The following FHIT variants were observed in gnomAD, a reference collection of about 807,000 sequenced individuals.
FHIT encodes the protein bis(5'-adenosyl)-triphosphatase.
A neutral mutation model predicts 17.9 loss-of-function variants in FHIT; 19 were observed. The observed-to-expected ratio is 1.06, with a 90% CI of 0.74 to 1.56. FHIT has a LOEUF of 1.56. Among genes scored for constraint, FHIT ranks in the 40% most tolerant of loss-of-function variants. The pLI, the probability that FHIT is intolerant of heterozygous loss-of-function variation, is 0.00. For synonymous variants in FHIT, 81 were observed against 69.7 expected, an observed-to-expected ratio of 1.16 and a Z score of -0.81; for missense variants, 248 against 189.2, an observed-to-expected ratio of 1.31 and a Z score of -1.82.
intron 3 of FHIT, among the ~76,000 whole-genome samples, chr3:60,888,142 G>A (rs1399002547): frequency 1.3e-5 from 2 of 152,200 alleles, no homozygotes; most frequent in Admixed American, 1.3e-4. Flanking sequence ...AGGGAAGGTT[G>A]TAATCTGACT....
rs73836124 is a variant in FHIT, at chr3:60,786,690, A to G, written c.-18+35229T>C. Among the ~76,000 whole-genome samples, 235 of 152,318 alleles carry G rather than the reference A, an allele frequency of 1.5e-3. 2 individuals are homozygous for G. The highest frequency in any genetic ancestry group is 5.4e-3 in the African/African-American group (226 of 41,574). ...AAAAGTTTAGTGGTGTTTCAGACAA[A>G]TCTAAGAGAAGATAAGCATGAATAG... On this transcript the variant is annotated intron_variant, in intron 4 of 9. Transcript: ENST00000492590.
intron 8 of FHIT, among the ~76,000 whole-genome samples, chr3:59,837,153 G>C (rs565118074): frequency 6.6e-6 from 1 of 152,264 alleles, no homozygotes; most frequent in African/African-American, 2.4e-5. Context: ...AAAAATGGCT[G>C]AGTAGTCCTG....
intron 5 of FHIT, among the ~76,000 whole-genome samples, chr3:60,149,889 G>C (rs1353640996): frequency 6.7e-6 from 1 of 148,588 alleles, no homozygotes; most frequent in African/African-American, 2.5e-5. Context: ...TAATGAAAGA[G>C]TTGTAATGTC....
In FHIT at chr3:60,925,228, G is replaced by A. The variant is rs535086945; in HGVS notation, c.-110-103217C>T. Among the ~76,000 whole-genome samples the A allele has an allele frequency of 2.5e-3, 381 of 152,216 alleles. 5 individuals are homozygous for A. Among genetic ancestry groups the A allele is most frequent in the African/African-American group, 8.8e-3 (364 of 41,516 alleles). On this transcript the variant is annotated intron_variant, in intron 3 of 9. Transcript: ENST00000492590. ...AGAGAACACCACAAAGATACTCCTC[G>A]AGAAGAGCAACTCCAAGACACATAA...
At chr3:61,096,921 G>C (rs1559978534) in intron 2 of FHIT, among the ~76,000 whole-genome samples, 1 of 151,998 alleles carries the variant, frequency 6.6e-6, no homozygotes, top group East Asian at 1.9e-4. Context: ...GACCAGCCTG[G>C]CCAACATGGT....
In FHIT at chr3:60,939,291, C is replaced by T. The variant is rs1329761738; in HGVS notation, c.-111+102756G>A. On this transcript the variant is annotated intron_variant, in intron 3 of 9. Coordinates refer to ENST00000492590, the MANE Select transcript of FHIT (RefSeq NM_002012.4). The stretch of plus-strand genomic sequence containing the variant: ...GGGAATATTCACAGACATAGAAGTG[C>T]TTGGTTAAAGGATTTGCACACACAC... Among the ~76,000 whole-genome samples, 7 of 152,228 alleles carry T rather than the reference C, an allele frequency of 4.6e-5. No homozygotes were observed. The East Asian group carries it at 9.6e-4, about 21-fold the overall frequency.
At chr3:60,427,414 A>C (rs1702713218) in intron 5 of FHIT, among the ~76,000 whole-genome samples, 1 of 152,128 alleles carries the variant, frequency 6.6e-6, no homozygotes. Flanking sequence ...TCAGCCTTCC[A>C]GGACCTTTAG....
rs533381366 is a variant in FHIT, at chr3:60,481,113, C to A, written c.103+55747G>T. 3.9e-5 allele frequency among the ~76,000 whole-genome samples: 6 copies of A among 152,130 alleles called. No individual in the cohort carries two copies. In the South Asian group the frequency reaches 1.0e-3, roughly 26 times the overall value. On this transcript the variant is annotated intron_variant, in intron 5 of 9. Transcript: ENST00000492590. Reference sequence around the variant, plus strand: ...AGGTGGAAATTCCCAAAGAGTTCCACAAGACTAGAGAAAAAAGAATGAAGA... The same window carrying A: ...AGGTGGAAATTCCCAAAGAGTTCCAAAAGACTAGAGAAAAAAGAATGAAGA...
chr3:60,968,105 C>A (rs958646016), intron 3 of FHIT, among the ~76,000 whole-genome samples: 1 of 152,178 alleles, frequency 6.6e-6, no homozygotes, highest in Non-Finnish European at 1.5e-5. Flanking sequence ...CAAGGTGTTG[C>A]CAGAATGGCA....
chr3:59,751,574 T>G (rs1700904252), intron 9 of FHIT: 1 of 213,576 alleles, frequency 4.7e-6, no homozygotes, highest in Non-Finnish European at 9.3e-6. Context: ...ACAAGGAAAT[T>G]GGCTATAGCT....
chr3:60,683,543 T>C (rs116031583), intron 4 of FHIT, among the ~76,000 whole-genome samples: 1,789 of 152,134 alleles, frequency 0.012, 38 homozygotes, highest in African/African-American at 0.041. Flanking sequence ...TTTTTTATAA[T>C]GCTATTGCAT....
chr3:60,036,184 C>A (rs1371176452), intron 5 of FHIT, among the ~76,000 whole-genome samples: 55 of 152,178 alleles, frequency 3.6e-4, no homozygotes, highest in Admixed American at 3.5e-3. Flanking sequence ...GAAAGAAGAA[C>A]TAAAAATATT....
intron 5 of FHIT, among the ~76,000 whole-genome samples, chr3:60,128,861 C>T (rs1699381469): frequency 6.6e-6 from 1 of 152,140 alleles, no homozygotes; most frequent in Non-Finnish European, 1.5e-5. Context: ...CTCCATATAC[C>T]TCAAGACTCC....
chr3:60,226,694 G>C (rs936750906), intron 5 of FHIT, among the ~76,000 whole-genome samples: 1 of 152,064 alleles, frequency 6.6e-6, no homozygotes, highest in Non-Finnish European at 1.5e-5. Context: ...AGGAAGGAGG[G>C]AGAATCAGGA....
chr3:60,806,255 C>T (rs533863750), intron 4 of FHIT, among the ~76,000 whole-genome samples: 170 of 152,280 alleles, frequency 1.1e-3, no homozygotes, highest in African/African-American at 3.9e-3. Flanking sequence ...CAGGCAGCAG[C>T]CACAACCCTG....
At chr3:60,910,288 CA>C (rs1706670810) in intron 3 of FHIT, among the ~76,000 whole-genome samples, 1 of 152,068 alleles carries the variant, frequency 6.6e-6, no homozygotes, top group African/African-American at 2.4e-5. Context: ...TCCCCCACCA[CA>C]AAGACTGTGA....
At chr3:61,161,829 A>C (rs963633524) in intron 2 of FHIT, among the ~76,000 whole-genome samples, 2 of 152,226 alleles carry the variant, frequency 1.3e-5, no homozygotes, top group African/African-American at 4.8e-5. Flanking sequence ...TGAAATTGCC[A>C]TTTGGAACTC....
At chr3:61,038,258 C>T (rs1330665495) in intron 3 of FHIT, among the ~76,000 whole-genome samples, 5 of 152,216 alleles carry the variant, frequency 3.3e-5, no homozygotes, top group Non-Finnish European at 7.3e-5. Flanking sequence ...CTCTGCAAAG[C>T]ATTCTTGCCA....
chr3:59,894,116 C>A (rs552691493), intron 8 of FHIT, among the ~76,000 whole-genome samples: 1 of 151,956 alleles, frequency 6.6e-6, no homozygotes, highest in African/African-American at 2.4e-5. Context: ...TGGTGGTGCA[C>A]GCCTGTAGTC....
Sources: allele counts gnomAD v4.1 joint callset (sites outside exome capture counted in the v4.1 genomes callset), GRCh38; gene constraint gnomAD v4.1.1; transcripts MANE v1.5; gene names NCBI Gene and HGNC (gene_info 2026-07-23, HGNC 2026-07-21).